COL18A1: variants seen among roughly 807,000 people sequenced by gnomAD.
COL18A1 encodes collagen type XVIII alpha 1 chain, also known as collagen alpha-1(XVIII) chain.
A neutral mutation model predicts 168.0 loss-of-function variants in COL18A1; 133 were observed. The ratio of observed to expected loss-of-function variants is 0.79; its 90% CI spans 0.69 to 0.91. The LOEUF is 0.91. COL18A1 is among the 40% of genes least tolerant of loss of function. The pLI is 0.00. For synonymous variants in COL18A1, 949 were observed against 809.0 expected (o/e 1.17, Z -2.94); for missense variants, 2,126 against 1,925.4 (o/e 1.10, Z -1.95).
chr21:45,499,841 A>C (rs2036680098), intron 32 of COL18A1, among the ~76,000 whole-genome samples: 1 of 152,222 alleles, frequency 6.6e-6, no homozygotes, highest in Non-Finnish European at 1.5e-5. Context: ...AGAAGGCAAA[A>C]CATGAGAGAA....
At chr21:45,511,030 ATCCACAC>A in intron 40 of COL18A1, 74 bp from the exon 41 acceptor site, 1 of 281,744 alleles carries the variant, frequency 3.5e-6, no homozygotes, top group Non-Finnish European at 6.9e-6. Flanking sequence ...CACACCCCAC[ATCCACAC>A]ACCCCCCCAC....
intron 30 of COL18A1, 106 bp downstream of exon 30, chr21:45,496,674 CCTT>C: frequency 1.3e-6 from 1 of 763,822 alleles, no homozygotes; most frequent in African/African-American, 1.7e-5. Flanking sequence ...GTCTGGGGGT[CCTT>C]CTAGGATGTG....
At chr21:45,469,192 T>C (rs2035323638) in intron 3 of COL18A1, among the ~76,000 whole-genome samples, 1 of 152,040 alleles carries the variant, frequency 6.6e-6, no homozygotes, top group African/African-American at 2.4e-5. Context: ...CCAAGCCCTG[T>C]GGTGAAGTGG....
Position 45,505,158 on chromosome 21 carries a change from G to A in COL18A1, c.2893G>A (p.Gly965Ser), listed in dbSNP as rs768531726. ...IPGPKGESIR[G>S]QPGPPGPQGP... is the part of the protein sequence containing the mutation. ...GGGTCCCAAGGGAGAGAGCATCCGG[G>A]GCCAGCCCGGCCCACCTGGACCTCA... is the stretch of plus-strand genomic sequence containing the variant. Residue 965 changes from glycine (G) to serine (S), a missense_variant, in exon 35 of 42, where the codon GGC (glycine) becomes AGC (serine). Coordinates refer to ENST00000651438, the MANE Select transcript of COL18A1 (RefSeq NM_001379500.1). The A allele has an allele frequency of 6.2e-7, 1 of 1,608,334 alleles. No individual in the cohort carries two copies. Among genetic ancestry groups the A allele is most frequent in the Non-Finnish European group, 8.5e-7 (1 of 1,178,318 alleles).
intron 32 of COL18A1, among the ~76,000 whole-genome samples, chr21:45,499,270 G>T (rs1156275200): frequency 6.6e-6 from 1 of 152,238 alleles, no homozygotes; most frequent in Non-Finnish European, 1.5e-5. Flanking sequence ...GCAGTGGAGG[G>T]TATTTCAGGG....
chr21:45,444,780 C>T (rs985359487), intron 2 of COL18A1, among the ~76,000 whole-genome samples: 5 of 152,086 alleles, frequency 3.3e-5, no homozygotes, highest in African/African-American at 4.8e-5. Flanking sequence ...CGTGTCCATA[C>T]CCTAGTTTTT....
In COL18A1 at chr21:45,474,445, CTG is replaced by C. The variant is rs148838823; in HGVS notation, c.738+470_738+471del. On this transcript the variant is annotated intron_variant, in intron 4 of 41. Transcript: ENST00000651438. The stretch of plus-strand genomic sequence containing the variant: ...TGTCGTGTGTGTCTGTGGTGTGTCT[CTG>C]TGTGTAGTGTGTCTCTGTGTGTGGT... 1.0e-3 allele frequency among the ~76,000 whole-genome samples: 143 copies of C among 143,188 alleles called. No individual in the cohort carries two copies. The South Asian group carries it at 0.011, about 11-fold the overall frequency. The allele number at this position is 143,188 out of a possible 152,430, so 93.9% of individuals were successfully genotyped here.
Position 45,490,496 on chromosome 21 carries a change from G to A in COL18A1, c.2031+150G>A, listed in dbSNP as rs796594381. 2.8e-3 allele frequency: 1,787 copies of A among 647,956 alleles called. 50 individuals carry two copies. The African/African-American group carries it at 0.031, about 11-fold the overall frequency. 40.1% of individuals were successfully genotyped at this position (647,956 alleles called of 1,614,324 possible). A position where few individuals can be genotyped will look rare whatever the true frequency, so the allele number is the denominator to read the frequency against. On this transcript the variant is annotated intron_variant, in intron 20 of 41. Coordinates refer to ENST00000651438, the MANE Select transcript of COL18A1 (RefSeq NM_001379500.1). Reference sequence around the variant, plus strand: ...TCCCTGGGCCTCCGTGTGCCCTCCCGGGTCTCTGGGCCTCCGTGTGCCCAC... The same window carrying A: ...TCCCTGGGCCTCCGTGTGCCCTCCCAGGTCTCTGGGCCTCCGTGTGCCCAC...
chr21:45,423,623 C>T lies in COL18A1; in HGVS notation c.106+18150C>T, dbSNP rs1293562814. 2 of 151,734 alleles carry T rather than the reference C, an allele frequency of 1.3e-5. No homozygotes were observed. The highest frequency in any genetic ancestry group is 6.6e-5 in the Admixed American group (1 of 15,222). The allele number at this position is 151,734 out of a possible 1,614,324, so 9.4% of individuals were successfully genotyped here. On this transcript the variant is annotated intron_variant, in intron 2 of 41. Coordinates refer to ENST00000651438, the MANE Select transcript of COL18A1 (RefSeq NM_001379500.1). The surrounding 1 kb of genome is among the most constrained non-coding windows in gnomAD (Gnocchi z 4.0). ...CACCCCCACCTGAGTTACTGCGGAA[C>T]CAAGGGGCTCATGGCCATTGAGTGA...
intron 2 of COL18A1, among the ~76,000 whole-genome samples, chr21:45,458,903 C>G (rs1401214954): frequency 6.6e-6 from 1 of 152,228 alleles, no homozygotes; most frequent in Non-Finnish European, 1.5e-5. Flanking sequence ...TGGGGCACAG[C>G]TGCATGGCTT....
intron 2 of COL18A1, among the ~76,000 whole-genome samples, chr21:45,406,373 G>T (rs532173094): frequency 6.6e-6 from 1 of 152,366 alleles, no homozygotes; most frequent in East Asian, 1.9e-4. Context: ...GGGAGGGAGG[G>T]ATGTCGTCTG....
intron 2 of COL18A1, among the ~76,000 whole-genome samples, chr21:45,464,124 G>A (rs942204653): frequency 6.6e-6 from 1 of 152,086 alleles, no homozygotes; most frequent in Non-Finnish European, 1.5e-5. Flanking sequence ...ACATCTGCGG[G>A]GGCAGAGTGA....
intron 2 of COL18A1, among the ~76,000 whole-genome samples, chr21:45,449,393 C>T (rs1253301128): frequency 1.3e-5 from 2 of 152,192 alleles, no homozygotes; most frequent in African/African-American, 4.8e-5. Flanking sequence ...AGACCTCAGG[C>T]TCCCCACCTC....
At chr21:45,506,148 T>A in intron 37 of COL18A1, 182 bp downstream of exon 37, 3 of 872,804 alleles carry the variant, frequency 3.4e-6, no homozygotes, top group African/African-American at 1.7e-5. Context: ...GTTTTGGGTT[T>A]AAAGAAAAGT....
At chr21:45,487,572 G>A in intron 17 of COL18A1, 63 bp downstream of exon 17, 1 of 1,591,770 alleles carries the variant, frequency 6.3e-7, no homozygotes, top group Non-Finnish European at 8.6e-7. Flanking sequence ...TGGGGCAGGA[G>A]AGTGTCCCTG....
At chr21:45,456,556 A>C in intron 2 of COL18A1, 1 of 1,547,134 alleles carries the variant, frequency 6.5e-7, no homozygotes, top group South Asian at 1.2e-5. Flanking sequence ...CCTCCCTGCC[A>C]GTCTGCGGCC....
In COL18A1 at chr21:45,512,095, G is replaced by A; in HGVS notation, c.3810-93G>A. 5.0e-6 allele frequency: 7 copies of A among 1,388,700 alleles called. No individual in the cohort carries two copies. The Admixed American group carries it at 9.8e-5, about 19-fold the overall frequency. 86.0% of individuals were successfully genotyped at this position (1,388,700 alleles called of 1,614,324 possible). A position where few individuals can be genotyped will look rare whatever the true frequency, so the allele number is the denominator to read the frequency against. On this transcript the variant is annotated intron_variant, in intron 41 of 41. Coordinates refer to ENST00000651438, the MANE Select transcript of COL18A1 (RefSeq NM_001379500.1). ...GCAGCCCCCTGGTAACCCCAGGGCT[G>A]GCCTCCTGCCTCCACCTTTCCTGCC... is the stretch of plus-strand genomic sequence containing the variant.
intron 2 of COL18A1, among the ~76,000 whole-genome samples, chr21:45,410,740 A>C (rs1399023117): frequency 6.6e-6 from 1 of 152,236 alleles, no homozygotes; most frequent in Non-Finnish European, 1.5e-5. Flanking sequence ...CTGCCAGCAC[A>C]GCTGCTCCTG....
chr21:45,507,334 G>A (rs572661973), intron 37 of COL18A1: 26 of 584,546 alleles, frequency 4.4e-5, no homozygotes, highest in African/African-American at 1.9e-4. Flanking sequence ...TGGCAGGGCC[G>A]GGTGCTGGGC....
Sources: allele counts gnomAD v4.1 joint callset (sites outside exome capture counted in the v4.1 genomes callset), GRCh38; gene constraint gnomAD v4.1.1; non-coding constraint Gnocchi (gnomAD v3.1); transcripts MANE v1.5; gene names NCBI Gene and HGNC (gene_info 2026-07-23, HGNC 2026-07-21).